The following CDC25C variants were observed in gnomAD, a reference collection of about 807,000 sequenced individuals.
CDC25C encodes the protein cell division cycle 25C, also known as M-phase inducer phosphatase 3.
Under a neutral mutation model 52.5 loss-of-function variants are expected in CDC25C, and 48 were observed. That is an observed-to-expected ratio of 0.91 (90% CI 0.72 to 1.16). CDC25C has a LOEUF of 1.16. Among genes scored for constraint, CDC25C ranks in the 50% most tolerant of loss-of-function variants. The probability of loss-of-function intolerance (pLI) is 0.00; values close to 1 mark genes in which losing one functional copy is unlikely to be tolerated. For missense variants in CDC25C, 510 were observed against 566.1 expected (o/e 0.90, Z 1.01); for synonymous variants, 187 against 206.5 (o/e 0.91, Z 0.81).
intron 7 of CDC25C, among the ~76,000 whole-genome samples, chr5:138,303,912 T>C (rs935957465): frequency 3.3e-5 from 5 of 152,198 alleles, no homozygotes; most frequent in Non-Finnish European, 5.9e-5. Flanking sequence ...GGGCTTTAGA[T>C]AGGAGCAGGG....
chr5:138,286,751 CT>C, intron 11 of CDC25C, 121 bp from the exon 12 acceptor site: 1 of 853,686 alleles, frequency 1.2e-6, no homozygotes, highest in Non-Finnish European at 1.8e-6. Context: ...CTATAAGCAC[CT>C]TTAGGGCAGG....
Position 138,329,561 on chromosome 5 carries a change from T to A in CDC25C, c.281A>T (p.Asp94Val). ...ATQLTTSADL[D>V]ETGHLDSSGL... ...ATCTCCCTTCTCCCTACCAGTTTCA[T>A]CAAGGTCTGCAGAAGTGGTAAGCTG... Residue 94 changes from aspartate (D) to valine (V), a missense_variant, in exon 3 of 14, where the codon GAT (aspartate) becomes GTT (valine). Physicochemically the swap from Asp to Val is radical, Grantham distance 152. Coordinates refer to ENST00000323760, the MANE Select transcript of CDC25C (RefSeq NM_001790.5). 1 of 1,603,460 alleles carries A rather than the reference T, an allele frequency of 6.2e-7. No individual in the cohort carries two copies. The highest frequency in any genetic ancestry group is 8.5e-7 in the Non-Finnish European group (1 of 1,170,648).
At chr5:138,319,524 C>A in intron 6 of CDC25C, 150 bp from the exon 7 acceptor site, 6 of 541,688 alleles carry the variant, frequency 1.1e-5, no homozygotes, top group South Asian at 4.2e-5. Context: ...GCACAGGTAA[C>A]GAAAGAAAAA....
At chr5:138,301,480 C>A (rs1012243994) in intron 7 of CDC25C, among the ~76,000 whole-genome samples, 3 of 151,666 alleles carry the variant, frequency 2.0e-5, no homozygotes, top group Non-Finnish European at 4.4e-5. Flanking sequence ...AACTCTAGGC[C>A]CAGGTGGCTT....
intron 4 of CDC25C, among the ~76,000 whole-genome samples, chr5:138,326,435 G>A (rs1332923032): frequency 6.6e-6 from 1 of 151,646 alleles, no homozygotes; most frequent in Admixed American, 6.6e-5. Flanking sequence ...TCTGCCTCCC[G>A]GTTTCACGCC....
At chr5:138,301,112 G>A (rs577811157) in intron 7 of CDC25C, among the ~76,000 whole-genome samples, 1 of 152,154 alleles carries the variant, frequency 6.6e-6, no homozygotes, top group East Asian at 1.9e-4. Flanking sequence ...AGATTAGAGT[G>A]CAAAATCAAT....
chr5:138,300,985 A>T lies in CDC25C; in HGVS notation c.616-8869T>A, dbSNP rs180773653. ...ATAAAACTGAAAATGCAACATATCA[A>T]AATTTGTGAGATGCAGCTAAAGTAC... On this transcript the variant is annotated intron_variant, in intron 7 of 13. Coordinates refer to ENST00000323760, the MANE Select transcript of CDC25C (RefSeq NM_001790.5). Among the ~76,000 whole-genome samples the T allele has an allele frequency of 2.8e-3, 431 of 152,322 alleles. 6 individuals carry two copies. Among genetic ancestry groups the T allele is most frequent in the Middle Eastern group, 0.014 (4 of 294 alleles).
intron 7 of CDC25C, among the ~76,000 whole-genome samples, chr5:138,305,889 A>G (rs2126729330): frequency 6.6e-6 from 1 of 152,274 alleles, no homozygotes; most frequent in East Asian, 1.9e-4. Context: ...TTTCAACCTT[A>G]AAGAAGCTCA....
chr5:138,286,129 G>A lies in CDC25C; in HGVS notation c.1165C>T (p.Arg389Cys), dbSNP rs114259036. The change falls in exon 13 of 14, where the codon CGC becomes TGC. Residue 389 changes from arginine to cysteine, a missense_variant. Physicochemically the swap from Arg to Cys is radical, Grantham distance 180. Transcript: ENST00000323760. ...GACCTGTCCTCTTCACGCAGACAGC[G>A]GCACCTTTAGAGAGAACCCAGAGAT... is the stretch of plus-strand genomic sequence containing the variant. Reference protein sequence around the residue: ...FSSERGPRMCRCLREEDRSLN... With the variant: ...FSSERGPRMCCCLREEDRSLN... 7.4e-6 allele frequency: 12 copies of A among 1,612,588 alleles called. No homozygotes were observed. In the African/African-American group the frequency reaches 1.3e-4, roughly 18 times the overall value.
At chr5:138,318,002 T>TATCAGTCA (rs1185285946) in intron 7 of CDC25C, among the ~76,000 whole-genome samples, 31 of 152,316 alleles carry the variant, frequency 2.0e-4, no homozygotes, top group African/African-American at 5.1e-4. Flanking sequence ...TGTAGTGACC[T>TATCAGTCA]GATAACCTAT....
chr5:138,311,054 A>G (rs747407603), intron 7 of CDC25C, among the ~76,000 whole-genome samples: 1 of 152,206 alleles, frequency 6.6e-6, no homozygotes, highest in Non-Finnish European at 1.5e-5. Context: ...TGATTTTTGA[A>G]AAGGGTGCCA....
At chr5:138,297,447 A>G (rs1206777015) in intron 7 of CDC25C, among the ~76,000 whole-genome samples, 1 of 151,912 alleles carries the variant, frequency 6.6e-6, no homozygotes, top group African/African-American at 2.4e-5. Context: ...GCTCCTTCTC[A>G]ATTTTCTTTG....
intron 7 of CDC25C, among the ~76,000 whole-genome samples, chr5:138,314,501 G>C (rs1374378049): frequency 6.6e-6 from 1 of 151,498 alleles, no homozygotes. Flanking sequence ...TCATACTGTT[G>C]GCCAGGCTGG....
At chr5:138,286,232 A>G (rs567717247) in intron 12 of CDC25C, 99 bp from the exon 13 acceptor site, 21 of 957,316 alleles carry the variant, frequency 2.2e-5, no homozygotes, top group Non-Finnish European at 3.2e-5. Context: ...GACTATTGCC[A>G]ACCTCAAAAA....
chr5:138,302,185 G>A (rs1405397454), intron 7 of CDC25C, among the ~76,000 whole-genome samples: 4 of 147,950 alleles, frequency 2.7e-5, no homozygotes, highest in Non-Finnish European at 6.0e-5. Context: ...TTGTAGAGAC[G>A]GGGGTTCCAC....
chr5:138,306,465 G>GTTT (rs1758006375), intron 7 of CDC25C, among the ~76,000 whole-genome samples: 2 of 151,608 alleles, frequency 1.3e-5, no homozygotes, highest in Non-Finnish European at 2.9e-5. Context: ...ATTTATTTCC[G>GTTT]TTTATTATTA....
chr5:138,322,712 T>G (rs1759531657), intron 6 of CDC25C, among the ~76,000 whole-genome samples: 1 of 151,550 alleles, frequency 6.6e-6, no homozygotes, highest in African/African-American at 2.4e-5. Context: ...CCTGACCTCG[T>G]GATCCGCCCA....
At chr5:138,317,061 T>C (rs2126782708) in intron 7 of CDC25C, among the ~76,000 whole-genome samples, 1 of 152,194 alleles carries the variant, frequency 6.6e-6, no homozygotes, top group East Asian at 1.9e-4. Context: ...CCAAACCAGC[T>C]TGGGCAACAC....
chr5:138,293,780 G>A (rs1561674658), intron 7 of CDC25C, among the ~76,000 whole-genome samples: 1 of 151,302 alleles, frequency 6.6e-6, no homozygotes, highest in Non-Finnish European at 1.5e-5. Flanking sequence ...CTGAGTAACT[G>A]GGACTACAGA....
Sources: gnomAD v4.1 joint callset for allele counts (sites outside exome capture counted in the v4.1 genomes callset) on GRCh38, gnomAD v4.1.1 for gene constraint, MANE v1.5 for transcripts, NCBI Gene and HGNC (gene_info 2026-07-23, HGNC 2026-07-21) for gene names.